The following NRCAM variants were observed in gnomAD, a reference collection of about 807,000 sequenced individuals.
NRCAM encodes neuronal cell adhesion molecule.
In NRCAM, 83 loss-of-function variants were observed where a neutral mutation model predicts 156.5. The ratio of observed to expected loss-of-function variants is 0.53; its 90% CI spans 0.44 to 0.64. The LOEUF is 0.64. Ranked by LOEUF, NRCAM falls within the 30% of genes least tolerant of loss-of-function variation. NRCAM has a pLI of 0.00. For synonymous variants in NRCAM, 538 were observed against 563.9 expected, an observed-to-expected ratio of 0.95 and a Z score of 0.65; for missense variants, 1,417 against 1,597.3, an observed-to-expected ratio of 0.89 and a Z score of 1.92.
chr7:108,181,965 A>G (rs759233594), intron 23 of NRCAM, 28 bp from the exon 24 acceptor site: 3 of 1,509,146 alleles, frequency 2.0e-6, no homozygotes, highest in Non-Finnish European at 2.8e-6. Flanking sequence ...AAGTGGTAGA[A>G]GTATCAATGT....
chr7:108,328,121 G>A (rs2099089390), intron 2 of NRCAM, among the ~76,000 whole-genome samples: 1 of 152,090 alleles, frequency 6.6e-6, no homozygotes, highest in Non-Finnish European at 1.5e-5. Context: ...TTCACATTTT[G>A]CTACTAAAAA....
chr7:108,323,917 G>A (rs576271258), intron 2 of NRCAM, among the ~76,000 whole-genome samples: 1 of 152,120 alleles, frequency 6.6e-6, no homozygotes, highest in Admixed American at 6.6e-5. Flanking sequence ...TTGCAGGCAA[G>A]GTGAAAGTTC....
intron 1 of NRCAM, among the ~76,000 whole-genome samples, chr7:108,447,259 C>CT (rs34273772): frequency 0.23 from 19,000 of 84,148 alleles, 2,514 homozygotes; most frequent in East Asian, 0.4. Flanking sequence ...TCACTTCTTT[C>CT]TTTTTTTTTT....
chr7:108,314,572 A>C (rs958457858), intron 2 of NRCAM, among the ~76,000 whole-genome samples: 2 of 152,222 alleles, frequency 1.3e-5, no homozygotes, highest in Admixed American at 1.3e-4. Flanking sequence ...TACACATAAC[A>C]AATCAATTAC....
chr7:108,187,090 T>C, intron 20 of NRCAM, among the ~76,000 whole-genome samples: 1 of 152,196 alleles, frequency 6.6e-6, no homozygotes, highest in East Asian at 1.9e-4. Context: ...GGCACTTCAG[T>C]GCACAGTTTG....
At chr7:108,432,897 AAGAG>A (rs921999074) in intron 1 of NRCAM, among the ~76,000 whole-genome samples, 1 of 151,586 alleles carries the variant, frequency 6.6e-6, no homozygotes, top group Non-Finnish European at 1.5e-5. Flanking sequence ...TGAAAAAAGA[AAGAG>A]AGAGAGAGAG....
intron 2 of NRCAM, among the ~76,000 whole-genome samples, chr7:108,320,959 T>C (rs917223389): frequency 6.6e-6 from 1 of 152,228 alleles, no homozygotes; most frequent in Non-Finnish European, 1.5e-5. Context: ...GTGCATTTCA[T>C]ATTCTGGATA....
intron 6 of NRCAM, among the ~76,000 whole-genome samples, chr7:108,233,515 T>A (rs1215537610): frequency 6.6e-6 from 1 of 152,216 alleles, no homozygotes; most frequent in Admixed American, 6.5e-5. Context: ...GGATAAATCC[T>A]GTTTTATGGC....
intron 3 of NRCAM, among the ~76,000 whole-genome samples, chr7:108,291,114 T>C (rs953083105): frequency 1.3e-5 from 2 of 151,930 alleles, no homozygotes; most frequent in African/African-American, 4.8e-5. Flanking sequence ...ATATAGAAGA[T>C]CAAAAGAAAA....
intron 26 of NRCAM, among the ~76,000 whole-genome samples, chr7:108,177,720 T>TAC: frequency 2.7e-5 from 1 of 36,952 alleles, no homozygotes; most frequent in Non-Finnish European, 1.3e-4. Context: ...TATATACGTG[T>TAC]GTATATATAT....
chr7:108,420,864 T>A (rs1808639114), intron 1 of NRCAM, among the ~76,000 whole-genome samples: 1 of 152,344 alleles, frequency 6.6e-6, no homozygotes, highest in African/African-American at 2.4e-5. Flanking sequence ...CAAAATCTTG[T>A]GTGTGAGAGA....
intron 3 of NRCAM, among the ~76,000 whole-genome samples, chr7:108,290,606 C>T (rs994795197): frequency 6.6e-6 from 1 of 152,084 alleles, no homozygotes; most frequent in Non-Finnish European, 1.5e-5. Context: ...TAAACATTTC[C>T]GACAGATTTC....
intron 1 of NRCAM, among the ~76,000 whole-genome samples, chr7:108,408,941 C>T (rs1466564249): frequency 1.3e-5 from 2 of 152,116 alleles, no homozygotes; most frequent in Admixed American, 6.5e-5. Context: ...TCGCCTCCTA[C>T]CTCCACAAGG....
chr7:108,173,494 C>T (rs1222151850), intron 28 of NRCAM, among the ~76,000 whole-genome samples: 1 of 152,104 alleles, frequency 6.6e-6, no homozygotes, highest in Non-Finnish European at 1.5e-5. Context: ...GGATAGAATT[C>T]ATTTTCAGAT....
At chr7:108,257,090 A>AGAAG (rs1043102516) in intron 3 of NRCAM, among the ~76,000 whole-genome samples, 2 of 150,640 alleles carry the variant, frequency 1.3e-5, no homozygotes, top group African/African-American at 2.5e-5. Flanking sequence ...AAGGAAGGAA[A>AGAAG]GAAGGAAGGA....
At chr7:108,315,792 C>G (rs1298944385) in intron 2 of NRCAM, among the ~76,000 whole-genome samples, 1 of 152,204 alleles carries the variant, frequency 6.6e-6, no homozygotes, top group Non-Finnish European at 1.5e-5. Flanking sequence ...GTGGATCATG[C>G]TTTACCTTTC....
chr7:108,303,326 T>A (rs923843192), intron 3 of NRCAM, among the ~76,000 whole-genome samples: 1 of 152,116 alleles, frequency 6.6e-6, no homozygotes, highest in African/African-American at 2.4e-5. Context: ...ATGGCAGAGA[T>A]CAGGCCTTGC....
At chr7:108,288,032 C>T (rs1335840019) in intron 3 of NRCAM, among the ~76,000 whole-genome samples, 1 of 152,016 alleles carries the variant, frequency 6.6e-6, no homozygotes. Flanking sequence ...TACGTATACA[C>T]ATAACCATGG....
intron 3 of NRCAM, among the ~76,000 whole-genome samples, chr7:108,303,358 A>C (rs989489291): frequency 6.6e-6 from 1 of 152,078 alleles, no homozygotes; most frequent in Admixed American, 6.6e-5. Context: ...CTTCATTCTC[A>C]GTTGGCAAAT....
Sources: gnomAD v4.1 joint callset for allele counts (sites outside exome capture counted in the v4.1 genomes callset) on GRCh38, gnomAD v4.1.1 for gene constraint, MANE v1.5 for transcripts, NCBI Gene and HGNC (gene_info 2026-07-23, HGNC 2026-07-21) for gene names.